PPP3CC: variants seen among roughly 807,000 people sequenced by gnomAD.
The protein encoded by PPP3CC is serine/threonine-protein phosphatase 2B catalytic subunit gamma isoform.
In PPP3CC, 35 loss-of-function variants were observed where a neutral mutation model predicts 60.3. The observed-to-expected ratio is 0.58, with a 90% CI of 0.44 to 0.77. The LOEUF is 0.77. Ranked by LOEUF, PPP3CC falls within the 30% of genes least tolerant of loss-of-function variation. The probability of loss-of-function intolerance (pLI) is 0.00; values close to 1 mark genes in which losing one functional copy is unlikely to be tolerated. For missense variants in PPP3CC, 570 were observed against 628.9 expected, an observed-to-expected ratio of 0.91 and a Z score of 1.00; for synonymous variants, 206 against 224.3, an observed-to-expected ratio of 0.92 and a Z score of 0.73.
intron 3 of PPP3CC, chr8:22,492,556 C>T (rs2132501900): frequency 2.6e-6 from 1 of 389,336 alleles, no homozygotes; most frequent in Middle Eastern, 7.1e-4. Flanking sequence ...TGGTGGTCCA[C>T]CCGAGACCCC....
chr8:22,446,627 G>A (rs1312934964), intron 1 of PPP3CC, among the ~76,000 whole-genome samples: 1 of 151,858 alleles, frequency 6.6e-6, no homozygotes, highest in Non-Finnish European at 1.5e-5. Flanking sequence ...CCAACGTGGC[G>A]AAACCCAGTC....
At chr8:22,512,922 C>T (rs540848721) in intron 5 of PPP3CC, among the ~76,000 whole-genome samples, 1 of 152,074 alleles carries the variant, frequency 6.6e-6, no homozygotes, top group Non-Finnish European at 1.5e-5. Context: ...ACTAAAAATA[C>T]AAAATTAGCC....
chr8:22,515,744 C>T lies in PPP3CC; in HGVS notation c.770+2312C>T, dbSNP rs146167511. Among the ~76,000 whole-genome samples the T allele has an allele frequency of 2.2e-4, 33 of 152,226 alleles. 1 individual carries two copies. Among genetic ancestry groups the T allele is most frequent in the African/African-American group, 7.7e-4 (32 of 41,550 alleles). ...GTGATATTGAATACCTTTTCATATA[C>T]CTGTTTGCCATTTTATGTCTCCTTT... is the stretch of plus-strand genomic sequence containing the variant. On this transcript the variant is annotated intron_variant, in intron 6 of 13. Transcript: ENST00000240139.
intron 1 of PPP3CC, among the ~76,000 whole-genome samples, chr8:22,470,038 A>G (rs1837670326): frequency 6.7e-6 from 1 of 150,112 alleles, no homozygotes. Flanking sequence ...ATATAAAATA[A>G]ATATGGGTGA....
intron 1 of PPP3CC, among the ~76,000 whole-genome samples, chr8:22,446,581 T>C (rs1836827813): frequency 6.6e-6 from 1 of 152,126 alleles, no homozygotes; most frequent in Non-Finnish European, 1.5e-5. Flanking sequence ...CCCAGTACTT[T>C]GGGAAGCCGA....
chr8:22,476,519 C>T (rs184333557), intron 3 of PPP3CC, among the ~76,000 whole-genome samples: 44 of 152,288 alleles, frequency 2.9e-4, no homozygotes, highest in African/African-American at 1.0e-3. Context: ...TGCAAGTCAG[C>T]TCTCTCACCT....
rs1837855884 is a variant in PPP3CC at position 22,475,377 on chromosome 8, A to C, written c.248-123A>C. On this transcript the variant is annotated intron_variant, in intron 2 of 13. Coordinates refer to ENST00000240139, the MANE Select transcript of PPP3CC (RefSeq NM_005605.5). ...GTATGAGTAGATTGACTACAGTTTT[A>C]CAGCAGTCCTGTCAAAAGCTGGAGT... The C allele has an allele frequency of 2.6e-6, 3 of 1,167,792 alleles. No individual in the cohort carries two copies. The South Asian group carries it at 4.6e-5, about 18-fold the overall frequency. 72.3% of individuals were successfully genotyped at this position (1,167,792 alleles called of 1,614,324 possible).
chr8:22,464,129 G>A (rs1197181009), intron 1 of PPP3CC, among the ~76,000 whole-genome samples: 1 of 151,930 alleles, frequency 6.6e-6, no homozygotes, highest in Non-Finnish European at 1.5e-5. Context: ...GATTAAATTG[G>A]GAAGGCTTAA....
rs1326000793 is a variant in PPP3CC, at chr8:22,441,311, C to T, written c.-99C>T. The T allele has an allele frequency of 2.8e-5, 34 of 1,229,568 alleles. No homozygotes were observed. Among genetic ancestry groups the T allele is most frequent in the African/African-American group, 4.9e-5 (3 of 61,670 alleles). 76.2% of individuals were successfully genotyped at this position (1,229,568 alleles called of 1,614,324 possible). On this transcript the variant is annotated 5_prime_UTR_variant, in exon 1 of 14. It adds an upstream start codon to the 5' untranslated region. Coordinates refer to ENST00000240139, the MANE Select transcript of PPP3CC (RefSeq NM_005605.5). ...GCCGGGGCCGGGCACGGCTGGCTGACGGCTCCGGGCAGCTAAGGCTGCCCG... is the reference window on the plus strand; with the variant it reads ...GCCGGGGCCGGGCACGGCTGGCTGATGGCTCCGGGCAGCTAAGGCTGCCCG...
intron 1 of PPP3CC, among the ~76,000 whole-genome samples, chr8:22,451,588 T>C (rs1837028194): frequency 6.6e-6 from 1 of 152,178 alleles, no homozygotes; most frequent in South Asian, 2.1e-4. Context: ...CCTGGGGACA[T>C]AACCCAAAGT....
chr8:22,461,587 C>T (rs1837363148), intron 1 of PPP3CC, among the ~76,000 whole-genome samples: 1 of 151,876 alleles, frequency 6.6e-6, no homozygotes, highest in Non-Finnish European at 1.5e-5. Flanking sequence ...AGTTTCCTGC[C>T]ATGGGACTGT....
intron 1 of PPP3CC, among the ~76,000 whole-genome samples, chr8:22,443,610 A>G (rs11992035): frequency 0.18 from 27,613 of 152,016 alleles, 4,766 homozygotes; most frequent in African/African-American, 0.46. Context: ...TGCAGGATGC[A>G]AATTTGTTCT....
At chr8:22,485,474 C>T (rs1838196853) in intron 3 of PPP3CC, among the ~76,000 whole-genome samples, 1 of 152,120 alleles carries the variant, frequency 6.6e-6, no homozygotes, top group South Asian at 2.1e-4. Context: ...ATCCAAATCC[C>T]AGATAAAACA....
chr8:22,512,935 G>T (rs559088767), intron 5 of PPP3CC, among the ~76,000 whole-genome samples: 1 of 152,260 alleles, frequency 6.6e-6, no homozygotes, highest in African/African-American at 2.4e-5. Flanking sequence ...AATTAGCCGG[G>T]TGTGGTGGCA....
chr8:22,508,599 G>A (rs2117084130), intron 4 of PPP3CC, among the ~76,000 whole-genome samples: 1 of 152,260 alleles, frequency 6.6e-6, no homozygotes, highest in East Asian at 1.9e-4. Flanking sequence ...ATTATTTTGA[G>A]TCATTCTTGG....
At chr8:22,522,620 A>C (rs372257810) in intron 7 of PPP3CC, 35 bp from the exon 8 acceptor site, 17 of 1,590,310 alleles carry the variant, frequency 1.1e-5, no homozygotes, top group Non-Finnish European at 8.6e-7. Context: ...TTTGCATTTA[A>C]TATGCAGACA....
intron 3 of PPP3CC, among the ~76,000 whole-genome samples, chr8:22,490,802 T>C (rs534966862): frequency 1.3e-5 from 2 of 152,128 alleles, no homozygotes; most frequent in East Asian, 3.8e-4. Context: ...TTTATGGCTA[T>C]GTAGTATTCC....
chr8:22,506,866 C>T (rs181973774), intron 4 of PPP3CC, among the ~76,000 whole-genome samples: 15 of 151,950 alleles, frequency 9.9e-5, no homozygotes, highest in South Asian at 2.1e-4. Flanking sequence ...GGTGTGAACC[C>T]GGGAGGCGGA....
At chr8:22,487,225 G>T (rs940185440) in intron 3 of PPP3CC, among the ~76,000 whole-genome samples, 1 of 152,174 alleles carries the variant, frequency 6.6e-6, no homozygotes, top group African/African-American at 2.4e-5. Flanking sequence ...TGAAGTAACT[G>T]ATCAAAGAGT....
Sources: gnomAD v4.1 joint callset for allele counts (sites outside exome capture counted in the v4.1 genomes callset) on GRCh38, gnomAD v4.1.1 for gene constraint, MANE v1.5 for transcripts, NCBI Gene and HGNC (gene_info 2026-07-23, HGNC 2026-07-21) for gene names.